Variants in METTL15 observed in about 807,000 individuals in gnomAD.
METTL15 encodes the protein 12S rRNA N(4)-cytidine methyltransferase METTL15.
In METTL15, 34 loss-of-function variants were observed where a neutral mutation model predicts 38.3. The observed-to-expected ratio is 0.89, with a 90% CI of 0.68 to 1.18. METTL15 has a LOEUF of 1.18. METTL15 is among the 50% of genes most tolerant of loss of function. METTL15 has a pLI of 0.00. For missense variants in METTL15, 438 were observed against 498.4 expected (o/e 0.88, Z 1.15); for synonymous variants, 162 against 170.9 (o/e 0.95, Z 0.41).
chr11:28,159,473 A>G (rs1209111644), intron 3 of METTL15, among the ~76,000 whole-genome samples: 1 of 151,664 alleles, frequency 6.6e-6, no homozygotes, highest in African/African-American at 2.4e-5. Flanking sequence ...CAACCTGCTG[A>G]GGTGCTTGCT....
intron 4 of METTL15, among the ~76,000 whole-genome samples, chr11:28,279,856 G>A (rs557823338): frequency 1.4e-5 from 2 of 147,360 alleles, no homozygotes; most frequent in Non-Finnish European, 3.0e-5. Flanking sequence ...CTGACATCAC[G>A]CCATTGCACT....
chr11:28,219,191 G>A (rs1223703993), intron 4 of METTL15, among the ~76,000 whole-genome samples: 1 of 152,032 alleles, frequency 6.6e-6, no homozygotes, highest in Admixed American at 6.6e-5. Context: ...TCTGGTCCTG[G>A]ACTTTTTTTG....
chr11:28,447,869 C>T (rs1263202815), intron 6 of METTL15, among the ~76,000 whole-genome samples: 1 of 152,108 alleles, frequency 6.6e-6, no homozygotes, highest in Non-Finnish European at 1.5e-5. Flanking sequence ...GACTGAGGCA[C>T]AGTGCCCAGT....
At chr11:28,472,009 A>G (rs1352440644) in intron 6 of METTL15, among the ~76,000 whole-genome samples, 2 of 152,288 alleles carry the variant, frequency 1.3e-5, no homozygotes, top group East Asian at 3.9e-4. Flanking sequence ...GATGTTGAAA[A>G]AGACTAAAAT....
chr11:28,488,654 G>A (rs1379716484), intron 6 of METTL15, among the ~76,000 whole-genome samples: 1 of 152,116 alleles, frequency 6.6e-6, no homozygotes, highest in Admixed American at 6.6e-5. Flanking sequence ...AGCTTGGCTG[G>A]ATTTTGTGTT....
chr11:28,324,849 C>G (rs190028951), intron 6 of METTL15, among the ~76,000 whole-genome samples: 1 of 152,078 alleles, frequency 6.6e-6, no homozygotes, highest in Non-Finnish European at 1.5e-5. Flanking sequence ...CAATCGGGGC[C>G]GTAGGCAGGT....
intron 3 of METTL15, among the ~76,000 whole-genome samples, chr11:28,159,503 A>G (rs930867496): frequency 2.0e-5 from 3 of 151,942 alleles, no homozygotes; most frequent in Admixed American, 6.6e-5. Flanking sequence ...GGGAATACAG[A>G]ATGGGTAGTA....
chr11:28,385,946 A>C (rs1389335126), intron 5 of METTL15, among the ~76,000 whole-genome samples: 1 of 152,136 alleles, frequency 6.6e-6, no homozygotes, highest in Non-Finnish European at 1.5e-5. Context: ...TTGTAAAATT[A>C]TGTTAATGGA....
chr11:28,238,768 G>T (rs1854148231), intron 4 of METTL15, among the ~76,000 whole-genome samples: 1 of 151,986 alleles, frequency 6.6e-6, no homozygotes, highest in African/African-American at 2.4e-5. Context: ...TTCTTTCTTA[G>T]ACTCCCCCAG....
At chr11:28,286,823 C>T (rs531894891) in intron 4 of METTL15, among the ~76,000 whole-genome samples, 1 of 151,734 alleles carries the variant, frequency 6.6e-6, no homozygotes, top group East Asian at 1.9e-4. Context: ...CAAATAGTAC[C>T]TGAGATATTA....
intron 3 of METTL15, among the ~76,000 whole-genome samples, chr11:28,124,672 C>T (rs965462499): frequency 1.3e-5 from 2 of 151,980 alleles, no homozygotes; most frequent in African/African-American, 4.8e-5. Context: ...AAAAGGAAAG[C>T]AAAAACTCCA....
At chr11:28,192,941 CTT>C (rs773168432) in intron 3 of METTL15, among the ~76,000 whole-genome samples, 10 of 152,120 alleles carry the variant, frequency 6.6e-5, no homozygotes, top group Non-Finnish European at 1.2e-4. Flanking sequence ...TGTGTGTAGA[CTT>C]TTTCATAATA....
In METTL15 at chr11:28,457,345, T is replaced by G. The variant is rs1851177449; in HGVS notation, c.*424+32981T>G. Reference sequence around the variant, plus strand: ...GCAGCATTATATGTTGTTTTTGTTGTTGTTGTTGTTTTAAAAAAATCCTCT... The same window carrying G: ...GCAGCATTATATGTTGTTTTTGTTGGTGTTGTTGTTTTAAAAAAATCCTCT... On this transcript the variant is annotated intron_variant and NMD_transcript_variant, in intron 6 of 7. Transcript: ENST00000532947. Among the ~76,000 whole-genome samples the G allele has an allele frequency of 2.0e-5, 3 of 152,188 alleles. No homozygotes were observed. In the South Asian group the frequency reaches 6.2e-4, roughly 32 times the overall value.
At chr11:28,340,069 G>T (rs1590338706) in intron 3 of METTL15, among the ~76,000 whole-genome samples, 2 of 152,162 alleles carry the variant, frequency 1.3e-5, no homozygotes, top group East Asian at 3.9e-4. Context: ...CTGAAATTAT[G>T]AAGCTGAAGG....
chr11:28,395,791 A>C (rs1037067023), intron 5 of METTL15, among the ~76,000 whole-genome samples: 4 of 152,052 alleles, frequency 2.6e-5, no homozygotes, highest in African/African-American at 4.8e-5. Flanking sequence ...GAGACACAAC[A>C]AAAAAAGAGA....
chr11:28,165,598 C>T, intron 3 of METTL15, among the ~76,000 whole-genome samples: 1 of 152,024 alleles, frequency 6.6e-6, no homozygotes, highest in East Asian at 1.9e-4. Flanking sequence ...TATTTTCTCT[C>T]ATCCTGGGTT....
intron 5 of METTL15, among the ~76,000 whole-genome samples, chr11:28,378,379 C>G (rs569803443): frequency 6.6e-6 from 1 of 152,176 alleles, no homozygotes; most frequent in South Asian, 2.1e-4. Context: ...TTAAGCCTGT[C>G]GGAAAAGCGC....
intron 4 of METTL15, among the ~76,000 whole-genome samples, chr11:28,355,527 C>G (rs1850083438): frequency 6.6e-6 from 1 of 152,040 alleles, no homozygotes; most frequent in South Asian, 2.1e-4. Context: ...AATTCCATAT[C>G]CATGTATTTA....
chr11:28,358,310 T>A (rs958101399), intron 4 of METTL15, among the ~76,000 whole-genome samples: 1 of 152,200 alleles, frequency 6.6e-6, no homozygotes, highest in Non-Finnish European at 1.5e-5. Flanking sequence ...CCAGCCATGC[T>A]ATGCTGGACT....
Sources: gnomAD v4.1 joint callset for allele counts (sites outside exome capture counted in the v4.1 genomes callset) on GRCh38, gnomAD v4.1.1 for gene constraint, MANE v1.5 for transcripts, NCBI Gene and HGNC (gene_info 2026-07-23, HGNC 2026-07-21) for gene names.